The following LRTM3 variants were observed in gnomAD, a reference collection of about 807,000 sequenced individuals.
LRTM3 encodes the protein leucine rich repeat transmembrane protein 3, also known as leucine-rich repeat transmembrane protein 3.
At chr13:102,746,575 T>C in the LRTM3 span, 4 of 1,550,936 alleles carry the variant, frequency 2.6e-6, no homozygotes, top group African/African-American at 4.1e-5. Flanking sequence ...CTGAGATTGA[T>C]GGCTTCACAG....
At chr13:102,742,468 T>G in the LRTM3 span, 874 of 1,549,456 alleles carry the variant, frequency 5.6e-4, 1 homozygote, top group Non-Finnish European at 7.0e-4. Flanking sequence ...TTTTCCAGTC[T>G]GCAGTTTTAA....
chr13:102,733,879 A>T, the LRTM3 span: 2 of 1,551,230 alleles, frequency 1.3e-6, no homozygotes, highest in Non-Finnish European at 1.7e-6. Flanking sequence ...CAACGTTTTT[A>T]TCAACGCCTT....
chr13:102,732,267 T>A, the LRTM3 span: 1 of 1,551,398 alleles, frequency 6.4e-7, no homozygotes, highest in Non-Finnish European at 8.7e-7. Flanking sequence ...AGACTTCTGA[T>A]AAATATTCCT....
the LRTM3 span, chr13:102,738,642 T>C: frequency 2.6e-6 from 4 of 1,550,434 alleles, no homozygotes; most frequent in Non-Finnish European, 3.5e-6. Flanking sequence ...GAAATACACT[T>C]TTCATATGCT....
At chr13:102,738,513 T>A in the LRTM3 span, 2 of 1,550,890 alleles carry the variant, frequency 1.3e-6, no homozygotes, top group South Asian at 1.2e-5. Flanking sequence ...TCCAACTGAA[T>A]TCCCTGTGAA....
the LRTM3 span, chr13:102,748,247 C>A: frequency 6.4e-7 from 1 of 1,551,164 alleles, no homozygotes; most frequent in Non-Finnish European, 8.7e-7. Flanking sequence ...CAGTTCCTCA[C>A]TTTCACGTAG....
the LRTM3 span, chr13:102,733,296 C>A: frequency 6.4e-7 from 1 of 1,551,312 alleles, no homozygotes; most frequent in South Asian, 1.2e-5. Context: ...GGTGCTAACA[C>A]TTTGGGAGAA....
the LRTM3 span, among the ~76,000 whole-genome samples, chr13:102,757,628 A>G: frequency 6.6e-6 from 1 of 152,174 alleles, no homozygotes; most frequent in Admixed American, 6.5e-5. Flanking sequence ...TTATCCTCCT[A>G]AACCTCTGTC....
At chr13:102,747,689 T>C in the LRTM3 span, 168 of 1,551,180 alleles carry the variant, frequency 1.1e-4, 1 homozygote, top group East Asian at 3.6e-3. Context: ...TGTAAGTGGA[T>C]TCTTTGGATC....
At chr13:102,730,712 C>G in the LRTM3 span, 1 of 1,551,938 alleles carries the variant, frequency 6.4e-7, no homozygotes, top group East Asian at 2.4e-5. Context: ...AAGACTACCA[C>G]TTTGTCCACC....
chr13:102,746,749 A>G, the LRTM3 span: 1 of 1,551,142 alleles, frequency 6.4e-7, no homozygotes. Context: ...CTTCTGCAAA[A>G]CAGTAACCCA....
At chr13:102,731,565 C>T in the LRTM3 span, 10 of 1,551,202 alleles carry the variant, frequency 6.4e-6, no homozygotes, top group Middle Eastern at 1.7e-4. Flanking sequence ...GACTTCAAGT[C>T]GTCAGGCTTA....
the LRTM3 span, chr13:102,742,752 G>C: frequency 6.4e-7 from 1 of 1,550,544 alleles, no homozygotes; most frequent in Non-Finnish European, 8.7e-7. Flanking sequence ...CTGCCATTCT[G>C]TCTTTTCATT....
At chr13:102,744,643 G>T in the LRTM3 span, 1 of 1,550,818 alleles carries the variant, frequency 6.4e-7, no homozygotes, top group Non-Finnish European at 8.7e-7. Context: ...ATCCTGATTT[G>T]CAAGGGTCAG....
the LRTM3 span, chr13:102,750,160 A>G: frequency 1.9e-6 from 3 of 1,551,204 alleles, no homozygotes; most frequent in Middle Eastern, 1.7e-4. Context: ...GATGCTCTGT[A>G]TGGCTTAGAC....
the LRTM3 span, chr13:102,730,499 T>A: frequency 6.4e-7 from 1 of 1,551,134 alleles, no homozygotes; most frequent in East Asian, 2.4e-5. Context: ...AAACCATACA[T>A]GATATTGTTT....
the LRTM3 span, chr13:102,748,622 T>G: frequency 6.4e-7 from 1 of 1,550,772 alleles, no homozygotes; most frequent in South Asian, 1.2e-5. Flanking sequence ...TGATATAGCT[T>G]CTTCTAAAGA....
chr13:102,758,847 T>G, the LRTM3 span: 60 of 1,550,238 alleles, frequency 3.9e-5, no homozygotes, highest in East Asian at 1.5e-3. Context: ...AATCCAGGAC[T>G]CTAGAAAGTC....
chr13:102,744,325 T>G, the LRTM3 span: 1 of 1,550,456 alleles, frequency 6.4e-7, no homozygotes, highest in Non-Finnish European at 8.7e-7. Flanking sequence ...CTAAAGGTTT[T>G]AAGACTGTTT....
Sources: gnomAD v4.1 joint callset for allele counts (sites outside exome capture counted in the v4.1 genomes callset) on GRCh38, gnomAD v4.1.1 for gene constraint, MANE v1.5 for transcripts, NCBI Gene and HGNC (gene_info 2026-07-23, HGNC 2026-07-21) for gene names.